SYNJ2: variants seen among roughly 807,000 people sequenced by gnomAD.
SYNJ2 encodes polyphosphatidylinositol phosphatase SYNJ2.
SYNJ2 carries 116 observed loss-of-function variants against 141.3 expected under a neutral mutation model. The ratio of observed to expected loss-of-function variants is 0.82; its 90% confidence interval spans 0.71 to 0.96. The LOEUF (loss-of-function observed/expected upper bound fraction) is 0.96, where lower values mean the gene tolerates loss of function less well. SYNJ2 is among the 40% of genes least tolerant of loss of function. The probability of loss-of-function intolerance (pLI) is 0.00; values close to 1 mark genes in which losing one functional copy is unlikely to be tolerated. For synonymous variants in SYNJ2, 745 were observed against 777.7 expected (o/e 0.96, Z 0.70); for missense variants, 1,873 against 1,934.8 (o/e 0.97, Z 0.60).
chr6:158,020,905 A>G (rs1778734041), intron 2 of SYNJ2, among the ~76,000 whole-genome samples: 2 of 152,232 alleles, frequency 1.3e-5, no homozygotes, highest in African/African-American at 4.8e-5. Context: ...ATCGAGAAAT[A>G]TGCACAAAAA....
At chr6:158,077,936 A>G (rs1782420515) in intron 17 of SYNJ2, 2 of 345,372 alleles carry the variant, frequency 5.8e-6, no homozygotes, top group South Asian at 6.9e-5. Context: ...GCTGGCGAGG[A>G]CTGCAGGCAT....
intron 5 of SYNJ2, among the ~76,000 whole-genome samples, chr6:158,047,801 A>AAAAAAAAAAAC (rs1562355921): frequency 6.7e-6 from 1 of 149,838 alleles, no homozygotes; most frequent in Admixed American, 6.6e-5. Context: ...AAAAAAAAAA[A>AAAAAAAAAAAC]AAAACACACA....
Position 158,027,117 on chromosome 6 carries a change from G to A in SYNJ2, c.215-1639G>A, listed in dbSNP as rs1249294246. On this transcript the variant is annotated intron_variant, in intron 2 of 26. Coordinates refer to ENST00000355585, the MANE Select transcript of SYNJ2 (RefSeq NM_003898.4). The surrounding 1 kb of genome is among the most constrained non-coding windows in gnomAD (Gnocchi z 4.6). ...ATTAAAGGAACGCACTTTAATGACA[G>A]CCACACGCCACCCTGCCACAAGCAG... 1 of 985,306 alleles carries A rather than the reference G, an allele frequency of 1.0e-6. No homozygotes were observed. The highest frequency in any genetic ancestry group is 1.2e-6 in the Non-Finnish European group (1 of 829,936). The allele number at this position is 985,306 out of a possible 1,614,324, so 61.0% of individuals were successfully genotyped here.
chr6:158,006,459 G>T (rs1160547960), intron 1 of SYNJ2, among the ~76,000 whole-genome samples: 1 of 152,136 alleles, frequency 6.6e-6, no homozygotes, highest in Non-Finnish European at 1.5e-5. Flanking sequence ...GACTGCTCTT[G>T]CTTCCTTGAA....
chr6:158,048,768 G>A (rs1050450050), intron 5 of SYNJ2, among the ~76,000 whole-genome samples: 1 of 152,154 alleles, frequency 6.6e-6, no homozygotes, highest in Non-Finnish European at 1.5e-5. Context: ...CATTGCTGTG[G>A]TGTAAATTCT....
chr6:158,015,950 C>T (rs1406632911), intron 1 of SYNJ2, among the ~76,000 whole-genome samples: 1 of 152,128 alleles, frequency 6.6e-6, no homozygotes, highest in Admixed American at 6.5e-5. Context: ...CCATCACCAC[C>T]ACCATCACCA....
At chr6:158,030,228 T>C (rs985186211) in intron 3 of SYNJ2, among the ~76,000 whole-genome samples, 2 of 152,224 alleles carry the variant, frequency 1.3e-5, no homozygotes, top group Admixed American at 6.5e-5. Context: ...TGCCTAGAGA[T>C]GCCAGGTAGA....
intron 14 of SYNJ2, 146 bp downstream of exon 14, chr6:158,069,819 C>T (rs1781803569): frequency 9.2e-7 from 1 of 1,085,218 alleles, no homozygotes; most frequent in South Asian, 2.6e-5. Context: ...AGCAAAACCC[C>T]CTAGGAAAAA....
chr6:158,008,565 A>G (rs1364195349), intron 1 of SYNJ2, among the ~76,000 whole-genome samples: 1 of 152,104 alleles, frequency 6.6e-6, no homozygotes, highest in Non-Finnish European at 1.5e-5. Context: ...GGTATAGGAG[A>G]GTGAGTAGCC....
intron 2 of SYNJ2, among the ~76,000 whole-genome samples, chr6:158,021,757 G>T (rs1379503821): frequency 6.6e-6 from 1 of 152,210 alleles, no homozygotes; most frequent in Non-Finnish European, 1.5e-5. Flanking sequence ...CTTTTGGGAT[G>T]CAGTGTTCTC....
In SYNJ2 at chr6:158,071,191, A is replaced by C. The variant is rs994922394; in HGVS notation, c.1941-411A>C. Among the ~76,000 whole-genome samples, 2 of 152,122 alleles carry C rather than the reference A, an allele frequency of 1.3e-5. No individual in the cohort carries two copies. Among genetic ancestry groups the C allele is most frequent in the African/African-American group, 2.4e-5 (1 of 41,400 alleles). ...GAGCGAGACTCTGTCTCAAAATAAC[A>C]ATAATAATTTAAAAATGTGTTGATT... On this transcript the variant is annotated intron_variant, in intron 14 of 26. Transcript: ENST00000355585. This position sits in a 1 kb window ranked among gnomAD's most constrained non-coding sequence, Gnocchi z 4.3.
intron 3 of SYNJ2, among the ~76,000 whole-genome samples, chr6:158,031,502 A>ACGCCAGGG: frequency 6.6e-6 from 1 of 152,326 alleles, no homozygotes; most frequent in Admixed American, 6.5e-5. Context: ...CAGCTGTAAC[A>ACGCCAGGG]CGCCAGGGCG....
At position 158,095,615 on chromosome 6, in the gene SYNJ2, C is replaced by T. The variant is rs747982507; in HGVS notation, c.3745-3C>T. 1.9e-6 allele frequency: 3 copies of T among 1,585,474 alleles called. No individual in the cohort carries two copies. The highest frequency in any genetic ancestry group is 1.2e-5 in the South Asian group (1 of 86,516). On this transcript the variant is annotated splice_region_variant and splice_polypyrimidine_tract_variant and intron_variant, in intron 26 of 26. Coordinates refer to ENST00000355585, the MANE Select transcript of SYNJ2 (RefSeq NM_003898.4). The stretch of plus-strand genomic sequence containing the variant: ...TTACACTCTTTGTCCCACCTTTTCT[C>T]AGCCCCTGTCACCGGAAGAACAGTT...
chr6:158,083,374 A>G, intron 20 of SYNJ2, 55 bp from the exon 21 acceptor site: 2 of 1,589,004 alleles, frequency 1.3e-6, no homozygotes, highest in Non-Finnish European at 1.7e-6. Flanking sequence ...TTGTGTGATC[A>G]ACAGGAGGGG....
chr6:158,017,914 C>T (rs991387785), intron 2 of SYNJ2: 1 of 402,276 alleles, frequency 2.5e-6, no homozygotes, highest in South Asian at 1.9e-5. Context: ...CTAAGTGTTT[C>T]GAAAGTCTGG....
chr6:158,045,161 G>A (rs911464817), intron 5 of SYNJ2, among the ~76,000 whole-genome samples: 6 of 140,220 alleles, frequency 4.3e-5, no homozygotes, highest in Non-Finnish European at 9.0e-5. Flanking sequence ...AGGCTGGAGT[G>A]CAGTGGTGCA....
At chr6:158,089,631 C>A (rs1783299930) in intron 24 of SYNJ2, among the ~76,000 whole-genome samples, 1 of 151,884 alleles carries the variant, frequency 6.6e-6, no homozygotes, top group Non-Finnish European at 1.5e-5. Context: ...GCTTTGAAGA[C>A]CAGGGTCATC....
At chr6:158,064,789 G>GA (rs770748026) in intron 10 of SYNJ2, 37 bp from the exon 11 acceptor site, 1 of 1,611,452 alleles carries the variant, frequency 6.2e-7, no homozygotes, top group East Asian at 2.2e-5. Context: ...GGGCCCCAGG[G>GA]ACCCCCCTCA....
rs934953031 is a variant in SYNJ2, at chr6:158,066,755, A to G, written c.1717+120A>G. 4.9e-5 allele frequency: 57 copies of G among 1,155,596 alleles called. No homozygotes were observed. The African/African-American group carries it at 7.4e-4, about 15-fold the overall frequency. The allele number at this position is 1,155,596 out of a possible 1,614,324, so 71.6% of individuals were successfully genotyped here. ...CATCTTTGGTGTCTTCCCTCCTCAC[A>G]ATGTCTAAATAGCACCATGGCCTGA... is the stretch of plus-strand genomic sequence containing the variant. On this transcript the variant is annotated intron_variant, in intron 12 of 26. Transcript: ENST00000355585.
Sources: allele counts gnomAD v4.1 joint callset (sites outside exome capture counted in the v4.1 genomes callset), GRCh38; gene constraint gnomAD v4.1.1; non-coding constraint Gnocchi (gnomAD v3.1); transcripts MANE v1.5; gene names NCBI Gene and HGNC (gene_info 2026-07-23, HGNC 2026-07-21).